Variants in CPE observed in about 807,000 individuals in gnomAD.
CPE encodes the protein carboxypeptidase E.
CPE carries 17 observed loss-of-function variants against 53.5 expected under a neutral mutation model. That is an observed-to-expected ratio of 0.32 (90% CI 0.22 to 0.48). The LOEUF is 0.48. Among genes scored for constraint, CPE ranks in the 20% least tolerant of loss-of-function variants. The probability of loss-of-function intolerance (pLI) is 0.99; values close to 1 mark genes in which losing one functional copy is unlikely to be tolerated. For missense variants in CPE, 524 were observed against 614.7 expected (o/e 0.85, Z 1.56); for synonymous variants, 226 against 228.8 (o/e 0.99, Z 0.11).
rs909295102 is a variant in CPE, at chr4:165,379,204, C to T, written c.-18C>T. 8.2e-6 allele frequency: 10 copies of T among 1,223,490 alleles called. No individual in the cohort carries two copies. Among genetic ancestry groups the T allele is most frequent in the Non-Finnish European group, 9.1e-6 (9 of 984,362 alleles). 75.8% of individuals were successfully genotyped at this position (1,223,490 alleles called of 1,614,324 possible). ...CGCCCGCGTAGGAAGGCACGGCCGG[C>T]GGCGGCGGAGCGCAGCGATGGCCGG... On this transcript the variant is annotated 5_prime_UTR_variant, in exon 1 of 9. Transcript: ENST00000402744. The surrounding 1 kb of genome is among the most constrained non-coding windows in gnomAD (Gnocchi z 6.0).
chr4:165,382,609 CAGA>C (rs1218476114), intron 1 of CPE, among the ~76,000 whole-genome samples: 2 of 152,036 alleles, frequency 1.3e-5, no homozygotes, highest in African/African-American at 4.8e-5. Flanking sequence ...GTTGTCGTAA[CAGA>C]AGAACTCCAA....
In CPE at chr4:165,396,189, A is replaced by C. The variant is rs551405914; in HGVS notation, c.307+16661A>C. On this transcript the variant is annotated intron_variant, in intron 1 of 8. Transcript: ENST00000402744. ...GTCCCTGGGAGATATTTTATATCAT[A>C]TTCCTGAATTTGTTCCTGGAGTCAT... 2.0e-5 allele frequency among the ~76,000 whole-genome samples: 3 copies of C among 152,326 alleles called. No individual in the cohort carries two copies. In the South Asian group the frequency reaches 6.2e-4, roughly 32 times the overall value.
In CPE at chr4:165,498,224, A is replaced by G. The variant is rs1319751004; in HGVS notation, c.*614A>G. The G allele has an allele frequency of 6.6e-6, 1 of 152,212 alleles. No individual in the cohort carries two copies. Among genetic ancestry groups the G allele is most frequent in the Non-Finnish European group, 1.5e-5 (1 of 68,038 alleles). The allele number at this position is 152,212 out of a possible 1,614,324, so 9.4% of individuals were successfully genotyped here. On this transcript the variant is annotated 3_prime_UTR_variant, in exon 9 of 9. Coordinates refer to ENST00000402744, the MANE Select transcript of CPE (RefSeq NM_001873.4). Reference sequence around the variant, plus strand: ...TAGGAGCAATACTATTATATTATGTAGTCCGTTAACACTACTTAAAAGTTT... The same window carrying G: ...TAGGAGCAATACTATTATATTATGTGGTCCGTTAACACTACTTAAAAGTTT...
Position 165,464,430 on chromosome 4 carries a change from T to A in CPE, c.348T>A (p.Asn116Lys). The change falls in exon 2 of 9, where the codon AAT becomes AAA. Residue 116 changes from asparagine (N) to lysine (K), a missense_variant. Asn to Lys is a moderately conservative substitution (Grantham distance 94). Coordinates refer to ENST00000402744, the MANE Select transcript of CPE (RefSeq NM_001873.4). ...EFKYIGNMHG[N>K]EAVGRELLIF... is the part of the protein sequence containing the mutation. ...AATACATTGGGAATATGCATGGGAATGAGGCTGTTGGACGAGAACTGCTCA... is the reference window on the plus strand; with the variant it reads ...AATACATTGGGAATATGCATGGGAAAGAGGCTGTTGGACGAGAACTGCTCA... 1 of 1,612,866 alleles carries A rather than the reference T, an allele frequency of 6.2e-7. No homozygotes were observed. The highest frequency in any genetic ancestry group is 8.5e-7 in the Non-Finnish European group (1 of 1,179,440).
intron 1 of CPE, among the ~76,000 whole-genome samples, chr4:165,437,384 T>C (rs897718260): frequency 2.0e-5 from 3 of 152,184 alleles, no homozygotes; most frequent in African/African-American, 7.2e-5. Flanking sequence ...GCCTGCATCC[T>C]GTATTAAATC....
intron 1 of CPE, among the ~76,000 whole-genome samples, chr4:165,454,920 C>A (rs10019741): frequency 9.9e-5 from 15 of 152,276 alleles, no homozygotes; most frequent in South Asian, 4.1e-4. Flanking sequence ...GTTATCTAGT[C>A]CAGCCTCACA....
chr4:165,406,847 A>G (rs570094983), intron 1 of CPE, among the ~76,000 whole-genome samples: 14 of 152,250 alleles, frequency 9.2e-5, no homozygotes, highest in South Asian at 8.3e-4. Flanking sequence ...GACATTTCAT[A>G]TAAATCAAAT....
chr4:165,416,909 T>A (rs1292848190), intron 1 of CPE, among the ~76,000 whole-genome samples: 1 of 152,004 alleles, frequency 6.6e-6, no homozygotes. Flanking sequence ...AATGTGTCAA[T>A]GAGTCCATGA....
intron 1 of CPE, among the ~76,000 whole-genome samples, chr4:165,447,539 C>A (rs1731736997): frequency 6.6e-6 from 1 of 151,154 alleles, no homozygotes; most frequent in African/African-American, 2.4e-5. Context: ...CCACTGCACT[C>A]CAGCCTGGGC....
chr4:165,491,159 A>G (rs924273228), intron 6 of CPE, among the ~76,000 whole-genome samples: 9 of 152,230 alleles, frequency 5.9e-5, no homozygotes, highest in African/African-American at 1.9e-4. Flanking sequence ...ATATTGCAAT[A>G]TAAGTCTTGG....
At chr4:165,482,860 G>T (rs755036399) in intron 4 of CPE, among the ~76,000 whole-genome samples, 1 of 152,152 alleles carries the variant, frequency 6.6e-6, no homozygotes, top group Non-Finnish European at 1.5e-5. Flanking sequence ...ACTAGTTTTA[G>T]TTAAGCTTCA....
At chr4:165,394,583 T>TA (rs1465747998) in intron 1 of CPE, among the ~76,000 whole-genome samples, 1 of 152,096 alleles carries the variant, frequency 6.6e-6, no homozygotes. Context: ...GGTTTCCTGT[T>TA]AAAAAAACAT....
At chr4:165,491,496 T>C (rs971051868) in intron 6 of CPE, among the ~76,000 whole-genome samples, 1 of 152,192 alleles carries the variant, frequency 6.6e-6, no homozygotes, top group Non-Finnish European at 1.5e-5. Flanking sequence ...TTTCATCTTT[T>C]AATTCAGAAA....
chr4:165,453,366 C>T lies in CPE; in HGVS notation c.308-11024C>T, dbSNP rs1008663697. On this transcript the variant is annotated intron_variant, in intron 1 of 8. Transcript: ENST00000402744. ...TTCCTTCCTTCCTTTCTCTCTCTCTCTCTCTTTCTTTCTTTCTCTCTCTCT... is the reference window on the plus strand; with the variant it reads ...TTCCTTCCTTCCTTTCTCTCTCTCTTTCTCTTTCTTTCTTTCTCTCTCTCT... Among the ~76,000 whole-genome samples the T allele has an allele frequency of 2.0e-5, 3 of 149,278 alleles. No homozygotes were observed. In the Admixed American group the frequency reaches 2.0e-4, roughly 10 times the overall value.
At chr4:165,444,493 C>T (rs1731667478) in intron 1 of CPE, among the ~76,000 whole-genome samples, 1 of 141,850 alleles carries the variant, frequency 7.0e-6, no homozygotes, top group East Asian at 2.1e-4. Flanking sequence ...GAAACCACAT[C>T]TCTACTGAAA....
chr4:165,458,948 C>T (rs1401395549), intron 1 of CPE, among the ~76,000 whole-genome samples: 1 of 152,184 alleles, frequency 6.6e-6, no homozygotes, highest in Non-Finnish European at 1.5e-5. Flanking sequence ...TTATGTCATG[C>T]TCACCCTACT....
intron 1 of CPE, among the ~76,000 whole-genome samples, chr4:165,441,045 G>T (rs1183457724): frequency 3.3e-5 from 5 of 152,190 alleles, no homozygotes; most frequent in Non-Finnish European, 7.3e-5. Context: ...CAAAGTCGGA[G>T]ACGTGCAGGT....
chr4:165,419,184 T>C (rs1456829817), intron 1 of CPE, among the ~76,000 whole-genome samples: 2 of 152,198 alleles, frequency 1.3e-5, no homozygotes, highest in Non-Finnish European at 2.9e-5. Context: ...TCTCCTTCTT[T>C]AGAAGAAATA....
intron 1 of CPE, among the ~76,000 whole-genome samples, chr4:165,446,643 C>A (rs187444954): frequency 6.6e-6 from 1 of 152,114 alleles, no homozygotes; most frequent in Non-Finnish European, 1.5e-5. Context: ...CCACTGCGCC[C>A]GGCCTAGAGT....
Sources: gnomAD v4.1 joint callset for allele counts (sites outside exome capture counted in the v4.1 genomes callset) on GRCh38, gnomAD v4.1.1 for gene constraint, Gnocchi (gnomAD v3.1) non-coding constraint, MANE v1.5 for transcripts, NCBI Gene and HGNC (gene_info 2026-07-23, HGNC 2026-07-21) for gene names.